Variants in PCDH9 observed in about 807,000 individuals in gnomAD.
PCDH9 encodes protocadherin 9.
A neutral mutation model predicts 70.6 loss-of-function variants in PCDH9; 24 were observed. The observed-to-expected ratio is 0.34, with a 90% CI of 0.25 to 0.48. PCDH9 has a LOEUF of 0.48. PCDH9 is among the 20% of genes least tolerant of loss of function. The pLI, the probability that PCDH9 is intolerant of heterozygous loss-of-function variation, is 0.99. For synonymous variants in PCDH9, 562 were observed against 558.5 expected (o/e 1.01, Z -0.09); for missense variants, 1,281 against 1,503.6 (o/e 0.85, Z 2.45).
chr13:66,862,368 CATG>C (rs969787900), intron 3 of PCDH9, among the ~76,000 whole-genome samples: 2 of 152,142 alleles, frequency 1.3e-5, no homozygotes, highest in Non-Finnish European at 2.9e-5. Flanking sequence ...GGTTGTAAAG[CATG>C]ATATGTCTAG....
intron 2 of PCDH9, among the ~76,000 whole-genome samples, chr13:66,940,585 G>A (rs1326217797): frequency 2.0e-5 from 3 of 151,922 alleles, no homozygotes; most frequent in East Asian, 1.9e-4. Context: ...GAATAATAAA[G>A]AGCATCAAAA....
At chr13:66,738,883 A>T (rs905502019) in intron 3 of PCDH9, among the ~76,000 whole-genome samples, 2 of 149,346 alleles carry the variant, frequency 1.3e-5, no homozygotes, top group Non-Finnish European at 3.0e-5. Flanking sequence ...CCTGAAAGTG[A>T]TGCGGAGAAT....
intron 3 of PCDH9, among the ~76,000 whole-genome samples, chr13:66,865,788 T>C (rs1443189097): frequency 6.6e-6 from 1 of 152,210 alleles, no homozygotes; most frequent in African/African-American, 2.4e-5. Flanking sequence ...CAAAGTAAAC[T>C]CTTGAATTAT....
At chr13:66,334,413 C>T (rs184225234) in intron 4 of PCDH9, among the ~76,000 whole-genome samples, 1 of 152,132 alleles carries the variant, frequency 6.6e-6, no homozygotes, top group Admixed American at 6.5e-5. Context: ...GAAAACACCT[C>T]CATAATGTGT....
At chr13:66,756,721 T>C (rs74824579) in intron 3 of PCDH9, among the ~76,000 whole-genome samples, 3,391 of 152,294 alleles carry the variant, frequency 0.022, 134 homozygotes, top group African/African-American at 0.075. Context: ...CATCAAATTC[T>C]GTTTTCTGAT....
In PCDH9 at chr13:66,905,226, C is replaced by T. The variant is rs528125710; in HGVS notation, c.3037-1621G>A. ...TAGACCTTAAAACAGTTATTTTCAT[C>T]TGTGATGTCCATAGACATTTTAATT... is the stretch of plus-strand genomic sequence containing the variant. On this transcript the variant is annotated intron_variant, in intron 2 of 4. Transcript: ENST00000377865. 6.6e-5 allele frequency among the ~76,000 whole-genome samples: 10 copies of T among 151,976 alleles called. 1 individual carries two copies. The South Asian group carries it at 1.9e-3, about 28-fold the overall frequency.
intron 3 of PCDH9, among the ~76,000 whole-genome samples, chr13:66,649,307 C>G (rs1314403014): frequency 6.6e-6 from 1 of 151,902 alleles, no homozygotes; most frequent in Non-Finnish European, 1.5e-5. Context: ...GATCTAAAAA[C>G]AGCAAGAGAA....
chr13:66,632,002 T>A (rs1437526646), intron 3 of PCDH9, among the ~76,000 whole-genome samples: 1 of 152,176 alleles, frequency 6.6e-6, no homozygotes, highest in African/African-American at 2.4e-5. Context: ...CAAGCGATTC[T>A]CCTGTCTCAG....
chr13:67,109,013 T>C (rs2086603485), intron 2 of PCDH9, among the ~76,000 whole-genome samples: 1 of 152,210 alleles, frequency 6.6e-6, no homozygotes. Context: ...TGAAGTGATA[T>C]AAGTATTCTC....
chr13:66,967,072 C>T (rs2083444182), intron 2 of PCDH9, among the ~76,000 whole-genome samples: 1 of 152,044 alleles, frequency 6.6e-6, no homozygotes, highest in Non-Finnish European at 1.5e-5. Flanking sequence ...GCCAAGGTAG[C>T]TCCCAACCTG....
intron 2 of PCDH9, among the ~76,000 whole-genome samples, chr13:67,059,882 G>GTTT: frequency 9.5e-5 from 1 of 10,540 alleles, no homozygotes; most frequent in African/African-American, 2.5e-4. Flanking sequence ...TTTGTTTTTT[G>GTTT]TTGTTTTTTT....
chr13:67,031,052 T>C (rs989654674), intron 2 of PCDH9, among the ~76,000 whole-genome samples: 6 of 152,204 alleles, frequency 3.9e-5, no homozygotes, highest in African/African-American at 1.4e-4. Flanking sequence ...ACTAACTTTG[T>C]ATTCAAAGCA....
chr13:67,084,830 G>A (rs1316795931), intron 2 of PCDH9, among the ~76,000 whole-genome samples: 1 of 150,592 alleles, frequency 6.6e-6, no homozygotes, highest in Non-Finnish European at 1.5e-5. Context: ...AGCTGGGCGT[G>A]GTGGCGGGCG....
chr13:66,914,293 T>C (rs1490148704), intron 2 of PCDH9: 1 of 151,930 alleles, frequency 6.6e-6, no homozygotes, highest in Non-Finnish European at 1.5e-5. Context: ...GTAGATGTAG[T>C]CACTGTTAAT....
intron 3 of PCDH9, among the ~76,000 whole-genome samples, chr13:66,677,052 G>A (rs113570066): frequency 0.016 from 2,396 of 152,132 alleles, 72 homozygotes; most frequent in African/African-American, 0.055. Context: ...ACACAGGAAT[G>A]TCATGAAGGT....
intron 4 of PCDH9, among the ~76,000 whole-genome samples, chr13:66,538,236 T>C (rs553064006): frequency 6.6e-6 from 1 of 152,218 alleles, no homozygotes; most frequent in Admixed American, 6.6e-5. Flanking sequence ...AACATGCACA[T>C]AGAAAGCAAT....
intron 2 of PCDH9, among the ~76,000 whole-genome samples, chr13:67,111,973 T>C (rs1194990899): frequency 2.6e-5 from 4 of 152,340 alleles, no homozygotes; most frequent in Non-Finnish European, 5.9e-5. Flanking sequence ...TCATTAGTTA[T>C]GTCATGTCAC....
chr13:66,782,849 C>A (rs999360363), intron 3 of PCDH9: 3 of 152,148 alleles, frequency 2.0e-5, no homozygotes, highest in Non-Finnish European at 4.4e-5. Flanking sequence ...GCTTGCTTTT[C>A]TGTCAAATGG....
intron 4 of PCDH9, among the ~76,000 whole-genome samples, chr13:66,374,459 C>T (rs573062948): frequency 9.9e-5 from 15 of 151,944 alleles, no homozygotes; most frequent in African/African-American, 2.4e-4. Context: ...CATAGGAAGC[C>T]GGGGAGACAG....
Sources: gnomAD v4.1 joint callset for allele counts (sites outside exome capture counted in the v4.1 genomes callset) on GRCh38, gnomAD v4.1.1 for gene constraint, MANE v1.5 for transcripts, NCBI Gene and HGNC (gene_info 2026-07-23, HGNC 2026-07-21) for gene names.